SERINC3: variants seen among roughly 807,000 people sequenced by gnomAD.
SERINC3 encodes tumor differentially expressed protein 1.
In SERINC3, 22 loss-of-function variants were observed where a neutral mutation model predicts 52.1. That is an observed-to-expected ratio of 0.42 (90% CI 0.30 to 0.60). The LOEUF is 0.60. SERINC3 is among the 20% of genes least tolerant of loss of function. The probability of loss-of-function intolerance (pLI) is 0.16; values close to 1 mark genes in which losing one functional copy is unlikely to be tolerated. For synonymous variants in SERINC3, 226 were observed against 212.7 expected, an observed-to-expected ratio of 1.06 and a Z score of -0.54; for missense variants, 564 against 584.6, an observed-to-expected ratio of 0.96 and a Z score of 0.36.
intron 3 of SERINC3, among the ~76,000 whole-genome samples, chr20:44,511,637 T>C (rs190494928): frequency 1.3e-5 from 2 of 152,300 alleles, no homozygotes; most frequent in East Asian, 3.9e-4. Context: ...TTTTAGCACT[T>C]AAAGGTAGGC....
At chr20:44,507,926 C>T (rs1256072536) in intron 5 of SERINC3, among the ~76,000 whole-genome samples, 1 of 152,140 alleles carries the variant, frequency 6.6e-6, no homozygotes, top group East Asian at 1.9e-4. Context: ...CATGAAACAG[C>T]ACATACAGTA....
Position 44,504,809 on chromosome 20 carries a change from T to C in SERINC3, c.866A>G (p.Asn289Ser), listed in dbSNP as rs1194303822. 15 of 1,606,730 alleles carry C rather than the reference T, an allele frequency of 9.3e-6. No homozygotes were observed. The highest frequency in any genetic ancestry group is 6.7e-5 in the African/African-American group (5 of 74,796). ...TATTGACATTCCCTTACCAGGTTCA[T>C]TGGACATGGCTGACCAGGTGAGGTA... ...TMYLTWSAMS[N>S]EPDRSCNPNL... Residue 289 changes from asparagine to serine, a missense_variant, in exon 7 of 10, where the codon AAT becomes AGT. By Grantham distance (46) the Asn-to-Ser change is conservative. Transcript: ENST00000342374.
chr20:44,511,158 C>T, intron 4 of SERINC3, 131 bp downstream of exon 4: 1 of 613,908 alleles, frequency 1.6e-6, no homozygotes, highest in Non-Finnish European at 2.9e-6. Flanking sequence ...AGGTGATCCG[C>T]CCGTCTTGGC....
chr20:44,506,404 G>A (rs532116276), intron 6 of SERINC3, among the ~76,000 whole-genome samples: 42 of 151,568 alleles, frequency 2.8e-4, no homozygotes, highest in African/African-American at 8.5e-4. Flanking sequence ...TGGCCAAGAT[G>A]GTGAAACCCT....
At chr20:44,520,344 A>G (rs2064408282) in intron 1 of SERINC3, among the ~76,000 whole-genome samples, 1 of 152,068 alleles carries the variant, frequency 6.6e-6, no homozygotes, top group African/African-American at 2.4e-5. Context: ...CAGAGCATGG[A>G]AGCTCCAGAC....
intron 6 of SERINC3, among the ~76,000 whole-genome samples, chr20:44,506,584 CAAA>C (rs1191331026): frequency 7.7e-3 from 110 of 14,240 alleles, no homozygotes; most frequent in African/African-American, 0.026. Flanking sequence ...GACTCCATCT[CAAA>C]AAAAAAAAAA....
At chr20:44,519,855 A>G (rs1049903362) in intron 1 of SERINC3, among the ~76,000 whole-genome samples, 3 of 152,114 alleles carry the variant, frequency 2.0e-5, no homozygotes, top group South Asian at 2.1e-4. Context: ...ACTGTCAAAT[A>G]TATGTATGTT....
intron 1 of SERINC3, among the ~76,000 whole-genome samples, chr20:44,514,583 C>A (rs2064368397): frequency 6.6e-6 from 1 of 151,928 alleles, no homozygotes; most frequent in African/African-American, 2.4e-5. Flanking sequence ...CACGGTGAAA[C>A]CCTGTCTCTA....
chr20:44,519,044 A>G (rs1348834763), intron 1 of SERINC3, among the ~76,000 whole-genome samples: 3 of 151,932 alleles, frequency 2.0e-5, no homozygotes, highest in African/African-American at 7.3e-5. Flanking sequence ...TCCTGTGTGT[A>G]CATGTCTTGC....
At chr20:44,507,407 T>C (rs1435730654) in intron 5 of SERINC3, among the ~76,000 whole-genome samples, 1 of 152,166 alleles carries the variant, frequency 6.6e-6, no homozygotes, top group Non-Finnish European at 1.5e-5. Flanking sequence ...GAAAACAGAA[T>C]ACACACACTG....
At position 44,506,824 on chromosome 20, in the gene SERINC3, T is replaced by C; in HGVS notation, c.783+3A>G. On this transcript the variant is annotated splice_donor_region_variant and intron_variant, in intron 6 of 9. Transcript: ENST00000342374. ...AGGAGAAAGAAGTAGTAAACAATCA[T>C]ACCTGAATTTTTGGGTGGATCGATA... 2 of 1,565,880 alleles carry C rather than the reference T, an allele frequency of 1.3e-6. No individual in the cohort carries two copies. Among genetic ancestry groups the C allele is most frequent in the Non-Finnish European group, 1.7e-6 (2 of 1,158,292 alleles).
intron 6 of SERINC3, among the ~76,000 whole-genome samples, chr20:44,505,659 C>T (rs914202169): frequency 6.0e-5 from 9 of 151,122 alleles, no homozygotes; most frequent in African/African-American, 1.2e-4. Flanking sequence ...AGTGCAATGG[C>T]GCAATCTCAG....
At chr20:44,501,866 A>G (rs2064281930) in intron 8 of SERINC3, among the ~76,000 whole-genome samples, 1 of 152,248 alleles carries the variant, frequency 6.6e-6, no homozygotes, top group South Asian at 2.1e-4. Context: ...ATGACTGAAT[A>G]AAAATGTAAA....
intron 1 of SERINC3, among the ~76,000 whole-genome samples, chr20:44,515,435 T>C (rs1254834484): frequency 6.6e-6 from 1 of 152,202 alleles, no homozygotes; most frequent in Non-Finnish European, 1.5e-5. Context: ...TGCAAAGTTA[T>C]TTAAAAAGCC....
intron 2 of SERINC3, among the ~76,000 whole-genome samples, chr20:44,513,569 G>C (rs995983317): frequency 1.3e-5 from 2 of 152,162 alleles, no homozygotes; most frequent in African/African-American, 4.8e-5. Context: ...AGCTACGACT[G>C]AGTCCTTCCA....
At chr20:44,510,792 C>T (rs2064342291) in intron 4 of SERINC3, among the ~76,000 whole-genome samples, 1 of 151,852 alleles carries the variant, frequency 6.6e-6, no homozygotes, top group Non-Finnish European at 1.5e-5. Context: ...GCCTGGGAGA[C>T]AGAGTGAGAC....
At chr20:44,504,140 A>G (rs1480830540) in intron 7 of SERINC3, 145 bp from the exon 8 acceptor site, 3 of 555,644 alleles carry the variant, frequency 5.4e-6, no homozygotes, top group Non-Finnish European at 9.1e-6. Flanking sequence ...AGCAGTCAGT[A>G]GTAACACGTT....
At chr20:44,507,075 TA>T in intron 5 of SERINC3, 79 bp from the exon 6 acceptor site, 1 of 1,104,250 alleles carries the variant, frequency 9.1e-7, no homozygotes, top group South Asian at 2.7e-5. Flanking sequence ...CCACTCCATA[TA>T]AAAATGAGGA....
downstream of SERINC3, among the ~76,000 whole-genome samples, chr20:44,497,051 ACTG>A (rs1398602274): frequency 6.6e-6 from 1 of 152,184 alleles, no homozygotes; most frequent in African/African-American, 2.4e-5. Context: ...AGTGGCAGCC[ACTG>A]CTATTGCCTT....
Sources: gnomAD v4.1 joint callset for allele counts (sites outside exome capture counted in the v4.1 genomes callset) on GRCh38, gnomAD v4.1.1 for gene constraint, MANE v1.5 for transcripts, NCBI Gene and HGNC (gene_info 2026-07-23, HGNC 2026-07-21) for gene names.